MALRD1: variants seen among roughly 807,000 people sequenced by gnomAD.
MALRD1 encodes the protein MAM and LDL-receptor class A domain-containing protein 1.
A neutral mutation model predicts 242.1 loss-of-function variants in MALRD1; 247 were observed. The ratio of observed to expected loss-of-function variants is 1.02; its 90% CI spans 0.92 to 1.13. The LOEUF is 1.13. MALRD1 is among the 50% of genes most tolerant of loss of function. The pLI is 0.00. For missense variants in MALRD1, 2,989 were observed against 2,533.1 expected (o/e 1.18, Z -3.86); for synonymous variants, 995 against 866.6 (o/e 1.15, Z -2.60).
intron 29 of MALRD1, among the ~76,000 whole-genome samples, chr10:19,480,619 C>A (rs1202382415): frequency 9.2e-5 from 14 of 152,184 alleles, no homozygotes; most frequent in Non-Finnish European, 5.9e-5. Flanking sequence ...CATTAGATAT[C>A]TATGCAAGGG....
At chr10:19,696,321 A>T (rs1833375849) in intron 38 of MALRD1, among the ~76,000 whole-genome samples, 1 of 152,204 alleles carries the variant, frequency 6.6e-6, no homozygotes, top group African/African-American at 2.4e-5. Context: ...ATAAGGGCTC[A>T]CTAAAAGATT....
chr10:19,165,934 A>G lies in MALRD1; in HGVS notation c.1830+124A>G, dbSNP rs954399572. 34 of 626,150 alleles carry G rather than the reference A, an allele frequency of 5.4e-5. No homozygotes were observed. The South Asian group carries it at 6.9e-4, about 13-fold the overall frequency. 38.8% of individuals were successfully genotyped at this position (626,150 alleles called of 1,614,324 possible). On this transcript the variant is annotated intron_variant, in intron 13 of 39. Transcript: ENST00000454679. Reference sequence around the variant, plus strand: ...GGTGAGCACATATGAAATTAATACAATGCAACAGAAGACACTTATTTAATG... The same window carrying G: ...GGTGAGCACATATGAAATTAATACAGTGCAACAGAAGACACTTATTTAATG...
intron 19 of MALRD1, among the ~76,000 whole-genome samples, chr10:19,276,737 T>C (rs563928206): frequency 6.6e-6 from 1 of 152,288 alleles, no homozygotes; most frequent in East Asian, 1.9e-4. Flanking sequence ...TGACCTCTAA[T>C]TGAGTTCTTA....
intron 10 of MALRD1, among the ~76,000 whole-genome samples, chr10:19,145,995 G>A (rs1833713938): frequency 6.6e-6 from 1 of 152,192 alleles, no homozygotes; most frequent in Admixed American, 6.5e-5. Context: ...ACAGATGGAA[G>A]CATGTGGAAG....
intron 24 of MALRD1, among the ~76,000 whole-genome samples, chr10:19,341,385 T>C (rs1315846211): frequency 6.6e-6 from 1 of 150,924 alleles, no homozygotes; most frequent in Non-Finnish European, 1.5e-5. Flanking sequence ...TTCTGACTGT[T>C]GGTGGTGGGT....
At chr10:19,588,654 G>A (rs1172262338) in intron 33 of MALRD1, among the ~76,000 whole-genome samples, 1 of 152,074 alleles carries the variant, frequency 6.6e-6, no homozygotes, top group African/African-American at 2.4e-5. Context: ...ATTTACTCAT[G>A]TATGTAGAGA....
At chr10:19,726,970 A>G (rs1303854725) in intron 38 of MALRD1, among the ~76,000 whole-genome samples, 1 of 152,216 alleles carries the variant, frequency 6.6e-6, no homozygotes, top group Non-Finnish European at 1.5e-5. Flanking sequence ...CTCACTGGCC[A>G]TGGAGCTTCA....
intron 20 of MALRD1, among the ~76,000 whole-genome samples, chr10:19,280,658 T>G (rs926558466): frequency 3.9e-5 from 6 of 152,190 alleles, no homozygotes; most frequent in Admixed American, 1.3e-4. Context: ...TATGCAGAGT[T>G]CATGAGAAAA....
chr10:19,406,875 G>C (rs779490062), intron 28 of MALRD1, among the ~76,000 whole-genome samples: 1 of 152,130 alleles, frequency 6.6e-6, no homozygotes, highest in Admixed American at 6.6e-5. Flanking sequence ...TGTTATTGGA[G>C]TGCCAACTTC....
At chr10:19,464,948 ATTTTTTTTTT>A (rs60320410) in intron 29 of MALRD1, among the ~76,000 whole-genome samples, 50,850 of 134,234 alleles carry the variant, frequency 0.38, 8,774 homozygotes, top group East Asian at 0.49. Flanking sequence ...TATAATTCCA[ATTTTTTTTTT>A]TTTTTTTTTT....
At chr10:19,523,644 C>T (rs1019533789) in intron 31 of MALRD1, among the ~76,000 whole-genome samples, 2 of 152,092 alleles carry the variant, frequency 1.3e-5, no homozygotes, top group African/African-American at 4.8e-5. Context: ...GATTCAGAAT[C>T]TCTTGTCTCT....
rs762647207 is a variant in MALRD1 at position 19,209,315 on chromosome 10, C to G, written c.2626C>G (p.Gln876Glu). ...NFETGICNWE[Q>E]DAKDDFDWTR... The stretch of plus-strand genomic sequence containing the variant: ...TGAAACTGGAATCTGTAACTGGGAA[C>G]AAGATGCAAAAGATGACTTTGATTG... The change falls in exon 18 of 40, where the codon CAA becomes GAA. Residue 876 changes from glutamine to glutamate, a missense_variant. By Grantham distance (29) the Gln-to-Glu change is conservative. Coordinates refer to ENST00000454679, the MANE Select transcript of MALRD1 (RefSeq NM_001142308.3). 9 of 1,548,754 alleles carry G rather than the reference C, an allele frequency of 5.8e-6. No individual in the cohort carries two copies. In the South Asian group the frequency reaches 7.2e-5, roughly 12 times the overall value.
intron 28 of MALRD1, among the ~76,000 whole-genome samples, chr10:19,391,138 T>C (rs1846319347): frequency 6.6e-6 from 1 of 152,198 alleles, no homozygotes; most frequent in Non-Finnish European, 1.5e-5. Context: ...TTAGTCTTCC[T>C]ACCAATGGCA....
chr10:19,157,640 G>C (rs903778390), intron 12 of MALRD1, among the ~76,000 whole-genome samples: 1 of 152,146 alleles, frequency 6.6e-6, no homozygotes, highest in African/African-American at 2.4e-5. Flanking sequence ...CTCCGAATTG[G>C]AACGTATTGA....
At chr10:19,675,541 G>T (rs1484324701) in intron 36 of MALRD1, among the ~76,000 whole-genome samples, 1 of 152,188 alleles carries the variant, frequency 6.6e-6, no homozygotes, top group African/African-American at 2.4e-5. Flanking sequence ...CAGACTTAAT[G>T]AATCAGAAAC....
intron 36 of MALRD1, among the ~76,000 whole-genome samples, chr10:19,641,132 T>G (rs986164585): frequency 1.3e-5 from 2 of 152,188 alleles, no homozygotes; most frequent in African/African-American, 4.8e-5. Flanking sequence ...TAATACAGTC[T>G]CTATGATGGC....
chr10:19,624,571 TGAG>T (rs1322607109), intron 36 of MALRD1, among the ~76,000 whole-genome samples: 1 of 151,928 alleles, frequency 6.6e-6, no homozygotes, highest in African/African-American at 2.4e-5. Context: ...GCAGTTAAGA[TGAG>T]GAGCATTTAG....
intron 19 of MALRD1, among the ~76,000 whole-genome samples, chr10:19,276,815 G>A (rs760979056): frequency 1.3e-5 from 2 of 151,630 alleles, no homozygotes; most frequent in Non-Finnish European, 2.9e-5. Flanking sequence ...AACCTGTTAG[G>A]ATCTCCTTTT....
chr10:19,544,290 C>T (rs1164679533), intron 32 of MALRD1, among the ~76,000 whole-genome samples: 2 of 152,008 alleles, frequency 1.3e-5, no homozygotes, highest in Non-Finnish European at 2.9e-5. Flanking sequence ...TGGGCTCAGG[C>T]GATTCTCCTG....
Sources: gnomAD v4.1 joint callset for allele counts (sites outside exome capture counted in the v4.1 genomes callset) on GRCh38, gnomAD v4.1.1 for gene constraint, MANE v1.5 for transcripts, NCBI Gene and HGNC (gene_info 2026-07-23, HGNC 2026-07-21) for gene names.